ANO3: variants seen among roughly 807,000 people sequenced by gnomAD.
ANO3 encodes the protein anoctamin-3.
A neutral mutation model predicts 144.8 loss-of-function variants in ANO3; 99 were observed. That is an observed-to-expected ratio of 0.68 (90% confidence interval 0.58 to 0.81). ANO3 has a LOEUF of 0.81. ANO3 is among the 30% of genes least tolerant of loss of function. The pLI is 0.00. For missense variants in ANO3, 905 were observed against 1,202.2 expected, an observed-to-expected ratio of 0.75 and a Z score of 3.66; for synonymous variants, 414 against 392.6, an observed-to-expected ratio of 1.05 and a Z score of -0.64.
At chr11:26,531,982 T>C (rs1849383203) in intron 8 of ANO3, among the ~76,000 whole-genome samples, 2 of 152,134 alleles carry the variant, frequency 1.3e-5, no homozygotes, top group South Asian at 4.1e-4. Flanking sequence ...CAGACAAAAA[T>C]GTAAATTTAT....
At chr11:26,584,652 A>G (rs1166459881) in intron 14 of ANO3, among the ~76,000 whole-genome samples, 1 of 152,252 alleles carries the variant, frequency 6.6e-6, no homozygotes, top group Non-Finnish European at 1.5e-5. Context: ...AAAATCATGT[A>G]TAAGAACAAG....
At chr11:26,492,337 T>A (rs997267516) in intron 4 of ANO3, among the ~76,000 whole-genome samples, 7 of 152,186 alleles carry the variant, frequency 4.6e-5, no homozygotes, top group Non-Finnish European at 7.4e-5. Flanking sequence ...TTTCTTATAT[T>A]TTTGCATGTT....
At chr11:26,249,934 A>G (rs1055029130) in intron 1 of ANO3, among the ~76,000 whole-genome samples, 2 of 152,174 alleles carry the variant, frequency 1.3e-5, no homozygotes, top group Admixed American at 6.6e-5. Context: ...TTTACTCTCA[A>G]TATGTCACCT....
chr11:26,296,495 T>G (rs1854092507), intron 1 of ANO3, among the ~76,000 whole-genome samples: 1 of 152,222 alleles, frequency 6.6e-6, no homozygotes. Context: ...TTCTGGGTAG[T>G]GTCCTACTGG....
At chr11:26,191,211 G>A (rs1217519541) in intron 1 of ANO3, among the ~76,000 whole-genome samples, 2 of 152,016 alleles carry the variant, frequency 1.3e-5, no homozygotes, top group African/African-American at 4.8e-5. Context: ...CCGGGAGGTG[G>A]AGGTTGTGGT....
chr11:26,438,609 G>GAAAAAAAAAAAAAAAAAAAAAAAAC (rs1222012718), intron 1 of ANO3, among the ~76,000 whole-genome samples: 1 of 73,300 alleles, frequency 1.4e-5, no homozygotes, highest in Non-Finnish European at 2.4e-5. Context: ...AAAAAAAAAA[G>GAAAAAAAAAAAAAAAAAAAAAAAAC]AAAAAAAAAA....
intron 14 of ANO3, among the ~76,000 whole-genome samples, chr11:26,596,351 T>C (rs1402521340): frequency 6.6e-6 from 1 of 152,188 alleles, no homozygotes; most frequent in Non-Finnish European, 1.5e-5. Context: ...TTTGCCACTA[T>C]AGGAATATGT....
chr11:26,411,343 G>C (rs1565009192), intron 1 of ANO3, among the ~76,000 whole-genome samples: 1 of 151,936 alleles, frequency 6.6e-6, no homozygotes, highest in Non-Finnish European at 1.5e-5. Flanking sequence ...AGAATAATTA[G>C]ATTATTTAAA....
rs199891439 is a variant in ANO3 at position 26,660,340 on chromosome 11, C to G, written c.2842C>G (p.Arg948Gly). Residue 948 changes from arginine (R) to glycine (G), a missense_variant, in exon 27 of 27, where the codon CGA becomes GGA. Around this residue, in one of 4 missense-constraint regions of ANO3, gnomAD observed 597 missense variants for 865.1 expected, o/e 0.69. Coordinates refer to ENST00000256737, the MANE Select transcript of ANO3 (RefSeq NM_031418.4). The stretch of plus-strand genomic sequence containing the variant: ...AAAGGGTCTACATGACCGAATACGA[C>G]GAGAGAAGTACTTAGTTCAAGAAAT... ...VPKGLHDRIR[R>G]EKYLVQEMMY... 1.2e-6 allele frequency: 2 copies of G among 1,613,292 alleles called. No individual in the cohort carries two copies. Among genetic ancestry groups the G allele is most frequent in the African/African-American group, 2.7e-5 (2 of 74,846 alleles).
intron 14 of ANO3, among the ~76,000 whole-genome samples, chr11:26,573,621 A>G (rs1850910410): frequency 6.6e-6 from 1 of 152,156 alleles, no homozygotes. Context: ...GGCTTATACC[A>G]GGCATAAACA....
At chr11:26,209,971 C>T (rs921883410) in intron 1 of ANO3, among the ~76,000 whole-genome samples, 1 of 152,108 alleles carries the variant, frequency 6.6e-6, no homozygotes, top group African/African-American at 2.4e-5. Context: ...TTTTGCTGTG[C>T]AGAAGCTCTT....
At chr11:26,299,699 A>G (rs1170459859) in intron 1 of ANO3, among the ~76,000 whole-genome samples, 1 of 152,150 alleles carries the variant, frequency 6.6e-6, no homozygotes, top group Non-Finnish European at 1.5e-5. Flanking sequence ...TTGACTCTGT[A>G]GGGAGAGAGC....
chr11:26,578,541 C>G (rs563580493), intron 14 of ANO3, among the ~76,000 whole-genome samples: 1 of 152,074 alleles, frequency 6.6e-6, no homozygotes, highest in Admixed American at 6.6e-5. Flanking sequence ...TGGGAAGGAG[C>G]GGGCGATCAT....
chr11:26,590,246 CA>C (rs1428105211), intron 14 of ANO3, among the ~76,000 whole-genome samples: 2 of 152,184 alleles, frequency 1.3e-5, no homozygotes, highest in African/African-American at 2.4e-5. Context: ...TCATATTTGT[CA>C]AATATATTAT....
At chr11:26,534,368 C>T in intron 8 of ANO3, 88 bp from the exon 9 acceptor site, 1 of 757,512 alleles carries the variant, frequency 1.3e-6, no homozygotes, top group African/African-American at 1.7e-5. Flanking sequence ...TACTATGCTT[C>T]ATATGCATTA....
chr11:26,628,449 C>T (rs1490362610), intron 18 of ANO3, among the ~76,000 whole-genome samples: 1 of 152,076 alleles, frequency 6.6e-6, no homozygotes, highest in Non-Finnish European at 1.5e-5. Flanking sequence ...ATATTTTGGC[C>T]AGAAATACAT....
At chr11:26,336,703 C>A (rs1418428704) in intron 1 of ANO3, among the ~76,000 whole-genome samples, 1 of 151,682 alleles carries the variant, frequency 6.6e-6, no homozygotes, top group African/African-American at 2.4e-5. Flanking sequence ...GACATCCTTA[C>A]AATCTAGAAC....
intron 5 of ANO3, among the ~76,000 whole-genome samples, chr11:26,510,993 CT>C (rs1461909572): frequency 2.0e-5 from 3 of 152,174 alleles, no homozygotes; most frequent in Non-Finnish European, 4.4e-5. Flanking sequence ...ACTCTTATTC[CT>C]GAACAGAGAG....
At chr11:26,233,225 A>AAG (rs1554926561) in intron 1 of ANO3, among the ~76,000 whole-genome samples, 16 of 151,438 alleles carry the variant, frequency 1.1e-4, no homozygotes, top group Non-Finnish European at 1.9e-4. Context: ...TCAAAAAAAA[A>AAG]AAAAGAAAAG....
Sources: gnomAD v4.1 joint callset for allele counts (sites outside exome capture counted in the v4.1 genomes callset) on GRCh38, gnomAD v4.1.1 for gene constraint, gnomAD v4.1.1 regional missense constraint, MANE v1.5 for transcripts, NCBI Gene and HGNC (gene_info 2026-07-23, HGNC 2026-07-21) for gene names.